The following CREB5 variants were observed in gnomAD, a reference collection of about 807,000 sequenced individuals.
The protein encoded by CREB5 is cAMP responsive element binding protein 5.
A neutral mutation model predicts 57.1 loss-of-function variants in CREB5; 19 were observed. The ratio of observed to expected loss-of-function variants is 0.33; its 90% CI spans 0.23 to 0.49. The LOEUF (loss-of-function observed/expected upper bound fraction) is 0.49, where lower values mean the gene tolerates loss of function less well. Ranked by LOEUF, CREB5 falls within the 20% of genes least tolerant of loss-of-function variation. CREB5 has a pLI of 0.99. For synonymous variants in CREB5, 238 were observed against 238.3 expected (o/e 1.00, Z 0.01); for missense variants, 579 against 671.6 (o/e 0.86, Z 1.52).
intron 1 of CREB5, among the ~76,000 whole-genome samples, chr7:28,335,401 G>T (rs1037391434): frequency 6.6e-6 from 1 of 151,860 alleles, no homozygotes; most frequent in Non-Finnish European, 1.5e-5. Flanking sequence ...TCATTGTAGA[G>T]ATATTTCACT....
chr7:28,818,337 G>T (rs1330735243), intron 10 of CREB5, among the ~76,000 whole-genome samples, 158 bp downstream of exon 10: 3 of 152,114 alleles, frequency 2.0e-5, no homozygotes, highest in Non-Finnish European at 2.9e-5. Flanking sequence ...TCTTCCAAGG[G>T]GATCCCTTTT....
chr7:28,630,343 C>A (rs1056777914), intron 5 of CREB5, among the ~76,000 whole-genome samples: 1 of 152,174 alleles, frequency 6.6e-6, no homozygotes, highest in Non-Finnish European at 1.5e-5. Flanking sequence ...AAGTAACAAA[C>A]TGCTCACTTC....
intron 5 of CREB5, among the ~76,000 whole-genome samples, chr7:28,669,166 T>G (rs1394557999): frequency 6.6e-6 from 1 of 152,128 alleles, no homozygotes; most frequent in Admixed American, 6.5e-5. Context: ...ATTAGCAAAG[T>G]TGTAGATGTA....
chr7:28,683,684 C>G (rs1044669382), intron 5 of CREB5, among the ~76,000 whole-genome samples: 2 of 152,188 alleles, frequency 1.3e-5, no homozygotes, highest in African/African-American at 4.8e-5. Context: ...CATCTGAGAT[C>G]CGTGCCCGGC....
intron 5 of CREB5, among the ~76,000 whole-genome samples, chr7:28,667,351 C>T (rs1374717842): frequency 6.6e-6 from 1 of 150,918 alleles, no homozygotes; most frequent in Non-Finnish European, 1.5e-5. Flanking sequence ...TGCTATGTGA[C>T]CCCTTAGAAA....
intron 5 of CREB5, among the ~76,000 whole-genome samples, chr7:28,610,670 C>G (rs1328573291): frequency 6.6e-6 from 1 of 152,046 alleles, no homozygotes; most frequent in Non-Finnish European, 1.5e-5. Context: ...TTAACTCTTC[C>G]CTAATGCTCA....
At chr7:28,729,022 T>C (rs1474397800) in intron 7 of CREB5, among the ~76,000 whole-genome samples, 6 of 152,188 alleles carry the variant, frequency 3.9e-5, no homozygotes, top group Admixed American at 2.0e-4. Flanking sequence ...TCCATTGTGT[T>C]GGACTGGTCA....
intron 7 of CREB5, among the ~76,000 whole-genome samples, chr7:28,787,140 T>C (rs927863390): frequency 6.6e-6 from 1 of 152,114 alleles, no homozygotes; most frequent in African/African-American, 2.4e-5. Flanking sequence ...TGTCCCCAGC[T>C]GAGAAGAGAC....
At chr7:28,460,439 T>C (rs912161845) in intron 1 of CREB5, among the ~76,000 whole-genome samples, 2 of 152,198 alleles carry the variant, frequency 1.3e-5, no homozygotes, top group African/African-American at 4.8e-5. Context: ...AGACGAAGCA[T>C]AGACCCCTGA....
intron 4 of CREB5, among the ~76,000 whole-genome samples, chr7:28,550,877 A>C (rs1794610842): frequency 6.6e-6 from 1 of 152,236 alleles, no homozygotes; most frequent in African/African-American, 2.4e-5. Flanking sequence ...CTAAAGCAGC[A>C]CTTGGAGTAT....
At chr7:28,496,159 A>G (rs1792035354) in intron 3 of CREB5, among the ~76,000 whole-genome samples, 1 of 152,210 alleles carries the variant, frequency 6.6e-6, no homozygotes, top group African/African-American at 2.4e-5. Flanking sequence ...GAATGTAAGG[A>G]AAAGTGTTGC....
At chr7:28,378,561 A>G (rs921292017) in intron 1 of CREB5, among the ~76,000 whole-genome samples, 1 of 152,108 alleles carries the variant, frequency 6.6e-6, no homozygotes, top group South Asian at 2.1e-4. Flanking sequence ...ATTTTAGCTT[A>G]TTGATACCTT....
At chr7:28,360,475 T>C (rs1374780719) in intron 1 of CREB5, among the ~76,000 whole-genome samples, 1 of 152,108 alleles carries the variant, frequency 6.6e-6, no homozygotes, top group African/African-American at 2.4e-5. Context: ...GAAAGACAAA[T>C]ACTACATGTT....
chr7:28,821,126 A>ATGTG lies in CREB5; in HGVS notation c.*1877_*1880dup, dbSNP rs35688232. The ATGTG allele has an allele frequency of 0.48, 69,811 of 146,176 alleles. 17,187 individuals carry two copies. The highest frequency in any genetic ancestry group is 0.63 in the Middle Eastern group (181 of 286). 9.1% of individuals were successfully genotyped at this position (146,176 alleles called of 1,614,324 possible). A position where few individuals can be genotyped will look rare whatever the true frequency, so the allele number is the denominator to read the frequency against. ...CTCCATTTGAATGCTTGACCTCTTA[A>ATGTG]TGTGTGTGTGTGTGTGTGTGTGTGT... On this transcript the variant is annotated 3_prime_UTR_variant, in exon 11 of 11. Coordinates refer to ENST00000357727, the MANE Select transcript of CREB5 (RefSeq NM_182898.4).
intron 7 of CREB5, among the ~76,000 whole-genome samples, chr7:28,800,990 G>A (rs898146585): frequency 7.9e-5 from 12 of 152,210 alleles, no homozygotes; most frequent in Non-Finnish European, 1.5e-4. Context: ...CGGTTGTTCT[G>A]AGGATTAGGT....
rs370071324 is a variant in CREB5, at chr7:28,415,569, AT to A, written c.3+2658del. Among the ~76,000 whole-genome samples, 902 of 152,228 alleles carry A rather than the reference AT, an allele frequency of 5.9e-3. 9 individuals carry two copies. The highest frequency in any genetic ancestry group is 0.035 in the South Asian group (170 of 4,828). ...ATTCTTATATAATATCTGCAATGTT[AT>A]TTTTTCTAATAAGGGCCTCCTTAAT... On this transcript the variant is annotated intron_variant, in intron 1 of 10. Coordinates refer to ENST00000357727, the MANE Select transcript of CREB5 (RefSeq NM_182898.4).
At chr7:28,539,087 A>G (rs1486774393) in intron 4 of CREB5, among the ~76,000 whole-genome samples, 2 of 152,216 alleles carry the variant, frequency 1.3e-5, no homozygotes, top group South Asian at 4.1e-4. Flanking sequence ...TATTGCATAC[A>G]TCACTGGAAA....
chr7:28,577,180 A>G (rs182549612), intron 5 of CREB5, among the ~76,000 whole-genome samples: 3 of 152,314 alleles, frequency 2.0e-5, no homozygotes, highest in Admixed American at 2.0e-4. Context: ...TTACCTACAT[A>G]TAAAGGGGTT....
At chr7:28,386,025 T>C (rs1288551336) in intron 1 of CREB5, among the ~76,000 whole-genome samples, 1 of 152,194 alleles carries the variant, frequency 6.6e-6, no homozygotes, top group Non-Finnish European at 1.5e-5. Context: ...CCATCTTACA[T>C]AATATTGTTG....
Sources: allele counts gnomAD v4.1 joint callset (sites outside exome capture counted in the v4.1 genomes callset), GRCh38; gene constraint gnomAD v4.1.1; transcripts MANE v1.5; gene names NCBI Gene and HGNC (gene_info 2026-07-23, HGNC 2026-07-21).